Variants in MMP17 observed in about 807,000 individuals in gnomAD.
MMP17 encodes the protein matrix metalloproteinase-17.
A neutral mutation model predicts 49.1 loss-of-function variants in MMP17; 54 were observed. The observed-to-expected ratio is 1.10, with a 90% CI of 0.88 to 1.38. MMP17 has a LOEUF of 1.38. Ranked by LOEUF, MMP17 falls within the 40% of genes most tolerant of loss-of-function variation. The pLI is 0.00. For missense variants in MMP17, 837 were observed against 853.7 expected, an observed-to-expected ratio of 0.98 and a Z score of 0.24; for synonymous variants, 397 against 383.1, an observed-to-expected ratio of 1.04 and a Z score of -0.42.
At chr12:131,850,772 A>C (rs1593241041) in intron 9 of MMP17, among the ~76,000 whole-genome samples, 153 bp from the exon 10 acceptor site, 4 of 95,318 alleles carry the variant, frequency 4.2e-5, no homozygotes, top group South Asian at 4.0e-4. Context: ...CTGACCCCCC[A>C]CTGCAGTCTT....
intron 5 of MMP17, among the ~76,000 whole-genome samples, chr12:131,842,523 C>T (rs1887467803): frequency 6.6e-6 from 1 of 152,146 alleles, no homozygotes; most frequent in African/African-American, 2.4e-5. Flanking sequence ...CCTGTAATCC[C>T]GGCACTTTGG....
intron 5 of MMP17, 151 bp from the exon 6 acceptor site, chr12:131,843,846 G>GC (rs1887551509): frequency 5.0e-6 from 3 of 601,730 alleles, no homozygotes; most frequent in Non-Finnish European, 8.6e-6. Flanking sequence ...CAGCTCTGGG[G>GC]GCAGCAGTCT....
chr12:131,838,646 C>T lies in MMP17; in HGVS notation c.327C>T (p.Arg109=), dbSNP rs1887211239. The T allele has an allele frequency of 1.9e-6, 3 of 1,611,412 alleles. No individual in the cohort carries two copies. The highest frequency in any genetic ancestry group is 2.5e-6 in the Non-Finnish European group (3 of 1,179,802). ...EATLALMKTP[R]CSLPDLPVLT... ...CCCTGGCCCTGATGAAAACCCCACG[C>T]TGCTCCCTGCCAGACCTCCCTGTCC... The change falls in exon 3 of 10, where the codon CGC becomes CGT. Residue 109 remains arginine, a synonymous_variant. Coordinates refer to ENST00000360564, the MANE Select transcript of MMP17 (RefSeq NM_016155.7).
rs557748825 is a variant in MMP17, at chr12:131,845,086, G to A, written c.969-32G>A. On this transcript the variant is annotated intron_variant, in intron 6 of 9. Transcript: ENST00000360564. ...CCCTGTCCCGCGCTGCCCAGGCCCC[G>A]CCTCCCAGCCCACCTGGCTCTCTCC... The A allele has an allele frequency of 2.3e-5, 36 of 1,593,888 alleles. No individual in the cohort carries two copies. The African/African-American group carries it at 2.8e-4, about 12-fold the overall frequency.
At position 131,851,343 on chromosome 12, in the gene MMP17, C is replaced by T. The variant is rs1887965616; in HGVS notation, c.*69C>T. ...CTGGCCACAGAGGGCAAGGACTGTG[C>T]CGGAGTCCCTGGGGGAGGTGCTGGC... On this transcript the variant is annotated 3_prime_UTR_variant, in exon 10 of 10. Coordinates refer to ENST00000360564, the MANE Select transcript of MMP17 (RefSeq NM_016155.7). 3 of 1,289,518 alleles carry T rather than the reference C, an allele frequency of 2.3e-6. No individual in the cohort carries two copies. Among genetic ancestry groups the T allele is most frequent in the South Asian group, 2.1e-5 (1 of 48,132 alleles). The allele number at this position is 1,289,518 out of a possible 1,614,324, so 79.9% of individuals were successfully genotyped here. A position where few individuals can be genotyped will look rare whatever the true frequency, so the allele number is the denominator to read the frequency against.
intron 1 of MMP17, among the ~76,000 whole-genome samples, chr12:131,829,289 G>A (rs999371842): frequency 1.3e-5 from 2 of 152,178 alleles, no homozygotes; most frequent in African/African-American, 4.8e-5. Flanking sequence ...GGGGCGCGGG[G>A]AGAGCCTTCC....
chr12:131,831,766 T>TGCGATC (rs1441096434), intron 1 of MMP17, among the ~76,000 whole-genome samples: 1 of 117,830 alleles, frequency 8.5e-6, no homozygotes, highest in African/African-American at 3.4e-5. Flanking sequence ...CAGGCTGCCG[T>TGCGATC]GCGATCAGCG....
chr12:131,837,359 A>C (rs1005756205), intron 1 of MMP17, among the ~76,000 whole-genome samples: 3 of 152,228 alleles, frequency 2.0e-5, no homozygotes, highest in South Asian at 2.1e-4. Context: ...TCCTGTGCTC[A>C]AACGATCCTC....
chr12:131,842,648 C>T (rs528729964), intron 5 of MMP17, among the ~76,000 whole-genome samples: 24 of 152,036 alleles, frequency 1.6e-4, no homozygotes, highest in Admixed American at 9.8e-4. Flanking sequence ...TAGCAGGTGC[C>T]TGTAATCCCA....
At chr12:131,839,530 G>T (rs1032491124) in intron 3 of MMP17, among the ~76,000 whole-genome samples, 3 of 152,032 alleles carry the variant, frequency 2.0e-5, no homozygotes, top group Admixed American at 6.6e-5. Context: ...CTGGGGGGCG[G>T]TGTTGCAATC....
rs1886615752 is a variant in MMP17 at position 131,828,421 on chromosome 12, A to G, written c.-74A>G. ...CCGGCGGGGGCGCCGCGGAGAGCGG[A>G]GGGCGCCGGGCTGCGGAACGCGAAG... On this transcript the variant is annotated 5_prime_UTR_variant, in exon 1 of 10. Transcript: ENST00000360564. 3.5e-6 allele frequency: 3 copies of G among 858,400 alleles called. No homozygotes were observed. The highest frequency in any genetic ancestry group is 4.2e-6 in the Non-Finnish European group (3 of 714,184). The allele number at this position is 858,400 out of a possible 1,614,324, so 53.2% of individuals were successfully genotyped here.
chr12:131,829,520 C>T (rs1339298863), intron 1 of MMP17, among the ~76,000 whole-genome samples: 1 of 152,160 alleles, frequency 6.6e-6, no homozygotes, highest in Non-Finnish European at 1.5e-5. Context: ...GAGGCTCCTG[C>T]CCCACCGCTG....
rs544710920 is a variant in MMP17 at position 131,838,614 on chromosome 12, G to A, written c.295G>A (p.Glu99Lys). 48 of 1,609,534 alleles carry A rather than the reference G, an allele frequency of 3.0e-5. No homozygotes were observed. The highest frequency in any genetic ancestry group is 2.5e-4 in the South Asian group (23 of 90,710). ...GGLEATGILD[E>K]ATLALMKTPR... Reference sequence around the variant, plus strand: ...TGAGCTCCATGCTTTCCCTGCAGACGAGGCCACCCTGGCCCTGATGAAAAC... The same window carrying A: ...TGAGCTCCATGCTTTCCCTGCAGACAAGGCCACCCTGGCCCTGATGAAAAC... Residue 99 changes from glutamate to lysine, a missense_variant and splice_region_variant, in exon 3 of 10, where the codon GAG becomes AAG. Transcript: ENST00000360564.
chr12:131,830,224 C>G (rs1012420389), intron 1 of MMP17, among the ~76,000 whole-genome samples: 2 of 152,260 alleles, frequency 1.3e-5, no homozygotes, highest in East Asian at 3.9e-4. Flanking sequence ...ACCTGCCCCC[C>G]TGCCCGGAGA....
intron 1 of MMP17, 96 bp from the exon 2 acceptor site, chr12:131,838,099 G>T (rs908852978): frequency 6.9e-7 from 1 of 1,444,976 alleles, no homozygotes. Flanking sequence ...GGCTGGGAGG[G>T]GGCCTGCCCG....
In MMP17 at chr12:131,838,606, C is replaced by G. The variant is rs768818513; in HGVS notation, c.293-6C>G. ...CTAGGCTCTGAGCTCCATGCTTTCC[C>G]TGCAGACGAGGCCACCCTGGCCCTG... On this transcript the variant is annotated splice_region_variant and splice_polypyrimidine_tract_variant and intron_variant, in intron 2 of 9. Coordinates refer to ENST00000360564, the MANE Select transcript of MMP17 (RefSeq NM_016155.7). 1 of 1,608,354 alleles carries G rather than the reference C, an allele frequency of 6.2e-7. No individual in the cohort carries two copies. The highest frequency in any genetic ancestry group is 1.1e-5 in the South Asian group (1 of 90,594).
At chr12:131,848,284 C>T (rs1474713746) in intron 8 of MMP17, among the ~76,000 whole-genome samples, 1 of 152,060 alleles carries the variant, frequency 6.6e-6, no homozygotes, top group Non-Finnish European at 1.5e-5. Flanking sequence ...ACAGGGTTCA[C>T]CGTGTTGGTC....
chr12:131,832,617 T>G (rs1886883146), intron 1 of MMP17, among the ~76,000 whole-genome samples: 1 of 149,790 alleles, frequency 6.7e-6, no homozygotes, highest in African/African-American at 2.5e-5. Flanking sequence ...CACCCGCCTC[T>G]GGGATTCGGG....
rs895831154 is a variant in MMP17 at position 131,846,509 on chromosome 12, G to A, written c.1204+1060G>A. ...CTGCCTCAGCCTCCCTAGTAGCTGG[G>A]ATTACAAGGTGCCCGCCACCACTCC... On this transcript the variant is annotated intron_variant, in intron 8 of 9. Transcript: ENST00000360564. The surrounding 1 kb of genome is among the most constrained non-coding windows in gnomAD (Gnocchi z 4.6). Among the ~76,000 whole-genome samples, 6 of 152,082 alleles carry A rather than the reference G, an allele frequency of 3.9e-5. No homozygotes were observed. The highest frequency in any genetic ancestry group is 1.3e-4 in the Admixed American group (2 of 15,276).
Sources: allele counts gnomAD v4.1 joint callset (sites outside exome capture counted in the v4.1 genomes callset), GRCh38; gene constraint gnomAD v4.1.1; non-coding constraint Gnocchi (gnomAD v3.1); transcripts MANE v1.5; gene names NCBI Gene and HGNC (gene_info 2026-07-23, HGNC 2026-07-21).